Variants in MTUS2 observed in about 807,000 individuals in gnomAD.
The protein encoded by MTUS2 is microtubule associated scaffold protein 2, also known as microtubule-associated tumor suppressor candidate 2.
In MTUS2, 40 loss-of-function variants were observed where a neutral mutation model predicts 114.1. The ratio of observed to expected loss-of-function variants is 0.35; its 90% CI spans 0.27 to 0.46. The LOEUF (loss-of-function observed/expected upper bound fraction) is 0.46. Among genes scored for constraint, MTUS2 ranks in the 20% least tolerant of loss-of-function variants. The pLI, the probability that MTUS2 is intolerant of heterozygous loss-of-function variation, is 1.00. For synonymous variants in MTUS2, 688 were observed against 672.0 expected (o/e 1.02, Z -0.37); for missense variants, 1,679 against 1,705.4 (o/e 0.98, Z 0.27).
At position 29,231,662 on chromosome 13, in the gene MTUS2, C is replaced by T. The variant is rs568115699; in HGVS notation, c.2645-50042C>T. On this transcript the variant is annotated intron_variant, in intron 5 of 15. Transcript: ENST00000612955. ...AAAAGGCTTCATGTTCAGCAGTTCA[C>T]TTAACTCATTATTTCACAGTTGCAA... Among the ~76,000 whole-genome samples the T allele has an allele frequency of 7.2e-5, 11 of 152,334 alleles. No individual in the cohort carries two copies. In the East Asian group the frequency reaches 1.3e-3, roughly 19 times the overall value.
At chr13:29,323,351 G>A (rs1378152254) in intron 6 of MTUS2, among the ~76,000 whole-genome samples, 3 of 151,800 alleles carry the variant, frequency 2.0e-5, no homozygotes, top group Non-Finnish European at 2.9e-5. Flanking sequence ...CTGGGTTCAC[G>A]CCATTCTCCT....
At chr13:29,184,922 AACTTCCTTGAGGAAGTCCAT>A (rs1178073764) in intron 5 of MTUS2, among the ~76,000 whole-genome samples, 4 of 152,174 alleles carry the variant, frequency 2.6e-5, no homozygotes, top group Non-Finnish European at 4.4e-5. Context: ...CAGTCAAGAG[AACTTCCTTGAGGAAGTCCAT>A]ACTAGTTGGA....
chr13:29,026,819 G>T lies in MTUS2; in HGVS notation c.2121G>T (p.Arg707Ser). ...EKFKPDLQKP[R>S]VFSSGLMVSG... ...TCAAGCCAGACCTGCAGAAGCCAAGGGTCTTCAGTTCCGGATTGATGGTGT... is the reference window on the plus strand; with the variant it reads ...TCAAGCCAGACCTGCAGAAGCCAAGTGTCTTCAGTTCCGGATTGATGGTGT... Residue 707 changes from arginine to serine, a missense_variant, in exon 3 of 16, where the codon AGG becomes AGT. Arg to Ser is a moderately radical substitution (Grantham distance 110). Coordinates refer to ENST00000612955, the MANE Select transcript of MTUS2 (RefSeq NM_001033602.4). The T allele has an allele frequency of 6.2e-7, 1 of 1,611,666 alleles. No homozygotes were observed. Among genetic ancestry groups the T allele is most frequent in the Non-Finnish European group, 8.5e-7 (1 of 1,179,866 alleles).
chr13:29,044,919 T>G (rs905336278), intron 4 of MTUS2, among the ~76,000 whole-genome samples: 26 of 152,200 alleles, frequency 1.7e-4, no homozygotes, highest in African/African-American at 6.3e-4. Flanking sequence ...AGTCCTTGTT[T>G]CCTTGCTGGC....
chr13:29,441,612 C>G (rs542036454), intron 9 of MTUS2, among the ~76,000 whole-genome samples: 2 of 152,190 alleles, frequency 1.3e-5, no homozygotes, highest in African/African-American at 4.8e-5. Context: ...TTGAGAGTGG[C>G]CCCCACTTTT....
intron 7 of MTUS2, among the ~76,000 whole-genome samples, chr13:29,346,209 C>T (rs111723646): frequency 0.066 from 9,988 of 152,038 alleles, 1,114 homozygotes; most frequent in African/African-American, 0.23. Context: ...GCCCTAATGC[C>T]ACCTGGGTGG....
intron 9 of MTUS2, among the ~76,000 whole-genome samples, chr13:29,478,077 C>G (rs1294165710): frequency 2.6e-5 from 4 of 152,148 alleles, no homozygotes; most frequent in African/African-American, 9.7e-5. Flanking sequence ...CTACAAGATT[C>G]CTGGCCAGTT....
chr13:29,438,622 C>T (rs1877598995), intron 8 of MTUS2, among the ~76,000 whole-genome samples: 1 of 152,092 alleles, frequency 6.6e-6, no homozygotes, highest in Non-Finnish European at 1.5e-5. Flanking sequence ...CTCCTAATAT[C>T]ATCAGCTTGG....
chr13:28,820,382 C>G lies in MTUS2; in HGVS notation c.-545C>G, dbSNP rs1183116054. ...CGGCGGCTCCAGGTGCGGGGGCGCC[C>G]CTCGCGCTCCACCTGCGCCGCCGCC... On this transcript the variant is annotated 5_prime_UTR_variant, in exon 1 of 16. Coordinates refer to ENST00000612955, the MANE Select transcript of MTUS2 (RefSeq NM_001033602.4). 1.3e-5 allele frequency: 2 copies of G among 151,564 alleles called. No homozygotes were observed. The highest frequency in any genetic ancestry group is 4.8e-5 in the African/African-American group (2 of 41,322). 9.4% of individuals were successfully genotyped at this position (151,564 alleles called of 1,614,324 possible). A position where few individuals can be genotyped will look rare whatever the true frequency, so the allele number is the denominator to read the frequency against.
intron 2 of MTUS2, among the ~76,000 whole-genome samples, chr13:28,869,915 A>T (rs1308459296): frequency 6.6e-6 from 1 of 152,212 alleles, no homozygotes; most frequent in East Asian, 1.9e-4. Context: ...TTTTAAGTGG[A>T]TGCAGACTCT....
At chr13:29,031,817 C>T (rs936878297) in intron 3 of MTUS2, among the ~76,000 whole-genome samples, 4 of 152,172 alleles carry the variant, frequency 2.6e-5, no homozygotes, top group African/African-American at 9.6e-5. Context: ...ACCACTATCC[C>T]AGTGGCTTGT....
intron 5 of MTUS2, among the ~76,000 whole-genome samples, chr13:29,234,976 T>C (rs7985145): frequency 0.85 from 129,232 of 152,162 alleles, 55,044 homozygotes; most frequent in African/African-American, 0.91. Flanking sequence ...AAGCTGTCAG[T>C]TGATCATTTA....
At chr13:29,234,960 C>G (rs1896477445) in intron 5 of MTUS2, among the ~76,000 whole-genome samples, 4 of 152,044 alleles carry the variant, frequency 2.6e-5, no homozygotes, top group Admixed American at 2.6e-4. Context: ...CTTTCTTAAA[C>G]TAATCAAGCT....
intron 2 of MTUS2, among the ~76,000 whole-genome samples, chr13:28,937,740 C>A (rs570990894): frequency 6.6e-6 from 1 of 152,190 alleles, no homozygotes; most frequent in Admixed American, 6.5e-5. Flanking sequence ...CCTAGAGTGT[C>A]CCTGAGTGGG....
intron 8 of MTUS2, among the ~76,000 whole-genome samples, chr13:29,397,418 T>A (rs1873989452): frequency 6.6e-6 from 1 of 152,110 alleles, no homozygotes; most frequent in African/African-American, 2.4e-5. Context: ...CCTTCTTATC[T>A]CATTCCCCCC....
At chr13:29,276,166 G>GA (rs1190122032) in intron 5 of MTUS2, among the ~76,000 whole-genome samples, 1 of 152,196 alleles carries the variant, frequency 6.6e-6, no homozygotes, top group Non-Finnish European at 1.5e-5. Flanking sequence ...TGAACTGTAG[G>GA]AACTGTCCCT....
chr13:29,213,639 A>C (rs1318077906), intron 5 of MTUS2, among the ~76,000 whole-genome samples: 1 of 152,134 alleles, frequency 6.6e-6, no homozygotes, highest in Non-Finnish European at 1.5e-5. Context: ...TTTCATTGTT[A>C]ATAGAGCCAC....
chr13:29,269,300 C>G (rs1897787336), intron 5 of MTUS2, among the ~76,000 whole-genome samples: 1 of 152,112 alleles, frequency 6.6e-6, no homozygotes, highest in Non-Finnish European at 1.5e-5. Context: ...GCCATCATTG[C>G]TCTTTCCTAA....
At chr13:29,004,707 A>T (rs1885530957) in intron 2 of MTUS2, among the ~76,000 whole-genome samples, 1 of 152,248 alleles carries the variant, frequency 6.6e-6, no homozygotes, top group Non-Finnish European at 1.5e-5. Context: ...GATGCCTACT[A>T]AACAAGCATG....
Sources: gnomAD v4.1 joint callset for allele counts (sites outside exome capture counted in the v4.1 genomes callset) on GRCh38, gnomAD v4.1.1 for gene constraint, MANE v1.5 for transcripts, NCBI Gene and HGNC (gene_info 2026-07-23, HGNC 2026-07-21) for gene names.